The following C13orf42 variants were observed in gnomAD, a reference collection of about 807,000 sequenced individuals.
C13orf42 encodes the protein uncharacterized protein C13orf42.
Position 51,159,216 on chromosome 13 carries a change from T to C in C13orf42, n.136+13037A>G, listed in dbSNP as rs1006658838. Among the ~76,000 whole-genome samples the C allele has an allele frequency of 3.3e-5, 5 of 152,216 alleles. No individual in the cohort carries two copies. In the East Asian group the frequency reaches 5.8e-4, roughly 18 times the overall value. On this transcript the variant is annotated intron_variant and non_coding_transcript_variant, in intron 1 of 4. Transcript: ENST00000433280. ...CAGACTCTTAGGCAAGTCAACAGTATGCCAACTCTCAGGGCTGATGATTTA... is the reference window on the plus strand; with the variant it reads ...CAGACTCTTAGGCAAGTCAACAGTACGCCAACTCTCAGGGCTGATGATTTA...
rs929582096 is a variant in C13orf42 at position 51,083,812 on chromosome 13, C to T, written c.*339G>A. 5 of 187,178 alleles carry T rather than the reference C, an allele frequency of 2.7e-5. No homozygotes were observed. Among genetic ancestry groups the T allele is most frequent in the South Asian group, 2.0e-4 (1 of 5,120 alleles). 11.6% of individuals were successfully genotyped at this position (187,178 alleles called of 1,614,324 possible). On this transcript the variant is annotated 3_prime_UTR_variant, in exon 4 of 4. Coordinates refer to ENST00000563710, the MANE Select transcript of C13orf42 (RefSeq NM_001351589.3). ...TTGCTAGCAGCCACCTGGACAGACA[C>T]GTGGAGAATGAGGACCAGGCCAGGT... is the stretch of plus-strand genomic sequence containing the variant.
At chr13:51,116,417 T>C (rs989951989) in intron 1 of C13orf42, among the ~76,000 whole-genome samples, 1 of 152,222 alleles carries the variant, frequency 6.6e-6, no homozygotes, top group Non-Finnish European at 1.5e-5. Flanking sequence ...AAGGTGCCTG[T>C]TATCAGACCT....
At chr13:51,115,970 A>G (rs1953486976), upstream of C13orf42, among the ~76,000 whole-genome samples, 1 of 152,104 alleles carries the variant, frequency 6.6e-6, no homozygotes, top group Admixed American at 6.5e-5. Context: ...GAGCAGCTCC[A>G]AATCTCCCTG....
chr13:51,124,980 G>GA, intron 1 of C13orf42, among the ~76,000 whole-genome samples: 1 of 152,118 alleles, frequency 6.6e-6, no homozygotes, highest in Non-Finnish European at 1.5e-5. Context: ...ACACATCAAA[G>GA]AAACTTGTTA....
Position 51,100,544 on chromosome 13 carries a change from C to T in C13orf42, c.414+10252G>A, listed in dbSNP as rs186455853. The stretch of plus-strand genomic sequence containing the variant: ...AAATAAGAAGTATGCATTTTTATGA[C>T]GATAAAAAAGGTCATTCTTCAATGA... On this transcript the variant is annotated intron_variant, in intron 1 of 3. Transcript: ENST00000563710. 9.9e-5 allele frequency among the ~76,000 whole-genome samples: 15 copies of T among 152,020 alleles called. No homozygotes were observed. In the East Asian group the frequency reaches 2.3e-3, roughly 23 times the overall value.
At chr13:51,106,547 A>G (rs1252904976) in intron 1 of C13orf42, among the ~76,000 whole-genome samples, 1 of 152,184 alleles carries the variant, frequency 6.6e-6, no homozygotes, top group Non-Finnish European at 1.5e-5. Context: ...GCCTTACACA[A>G]ATCTCTTAAC....
intron 1 of C13orf42, among the ~76,000 whole-genome samples, chr13:51,125,112 C>A (rs1953565663): frequency 6.6e-6 from 1 of 152,152 alleles, no homozygotes; most frequent in Non-Finnish European, 1.5e-5. Flanking sequence ...CTGCTAGCAG[C>A]CTGCCTTGCC....
chr13:51,116,265 A>G (rs1953491116), upstream of C13orf42, among the ~76,000 whole-genome samples: 2 of 152,170 alleles, frequency 1.3e-5, no homozygotes, highest in African/African-American at 4.8e-5. Flanking sequence ...AATGGGAGGT[A>G]GGGTAACCCA....
chr13:51,142,164 C>A (rs2138030967), intron 1 of C13orf42, among the ~76,000 whole-genome samples: 1 of 152,280 alleles, frequency 6.6e-6, no homozygotes, highest in African/African-American at 2.4e-5. Context: ...AGCTTCTAAT[C>A]CTGGGACTTT....
rs928377194 is a variant in C13orf42 at position 51,110,934 on chromosome 13, C to T, written c.276G>A (p.Leu92=). The T allele has an allele frequency of 7.5e-5, 30 of 398,550 alleles. No homozygotes were observed. The highest frequency in any genetic ancestry group is 1.2e-4 in the Non-Finnish European group (28 of 226,102). 24.7% of individuals were successfully genotyped at this position (398,550 alleles called of 1,614,324 possible). Reference sequence around the variant, plus strand: ...TGAGATATTTTTTGCGCAAGGCCAGCAGCTCCTGCAGGTACTGCAGGCAGT... The same window carrying T: ...TGAGATATTTTTTGCGCAAGGCCAGTAGCTCCTGCAGGTACTGCAGGCAGT... ...TQDCLQYLQE[L]LALRKKYLSS... The change falls in exon 1 of 4, where the codon CTG becomes CTA. Residue 92 remains leucine, a synonymous_variant. Coordinates refer to ENST00000563710, the MANE Select transcript of C13orf42 (RefSeq NM_001351589.3).
chr13:51,149,759 C>T (rs1380200529), intron 1 of C13orf42, among the ~76,000 whole-genome samples: 3 of 152,198 alleles, frequency 2.0e-5, no homozygotes, highest in Admixed American at 2.0e-4. Context: ...AGTCATTTAG[C>T]ATGAATATTT....
At chr13:51,160,139 G>A (rs546689028) in intron 1 of C13orf42, among the ~76,000 whole-genome samples, 1 of 152,304 alleles carries the variant, frequency 6.6e-6, no homozygotes, top group East Asian at 1.9e-4. Flanking sequence ...GATTTGGGTG[G>A]GGACACAGCC....
chr13:51,157,990 C>T (rs778790737), intron 1 of C13orf42, among the ~76,000 whole-genome samples: 1 of 152,148 alleles, frequency 6.6e-6, no homozygotes, highest in Non-Finnish European at 1.5e-5. Context: ...CCAAAAATAA[C>T]GTTTTTAAAA....
chr13:51,085,568 G>C lies in C13orf42; in HGVS notation c.563-9C>G, dbSNP rs1342900042. ...CCTGGAGCTGGTGGCCACTAGAAGAGAAAAGCATGTGACCCAGGAAGGAAG... is the reference window on the plus strand; with the variant it reads ...CCTGGAGCTGGTGGCCACTAGAAGACAAAAGCATGTGACCCAGGAAGGAAG... On this transcript the variant is annotated splice_polypyrimidine_tract_variant and intron_variant, in intron 2 of 3. Coordinates refer to ENST00000563710, the MANE Select transcript of C13orf42 (RefSeq NM_001351589.3). 7.5e-6 allele frequency: 3 copies of C among 398,726 alleles called. No homozygotes were observed. The East Asian group carries it at 1.1e-4, about 14-fold the overall frequency. 24.7% of individuals were successfully genotyped at this position (398,726 alleles called of 1,614,324 possible).
chr13:51,166,360 G>A lies in C13orf42; in HGVS notation n.136+5893C>T, dbSNP rs905415416. On this transcript the variant is annotated intron_variant and non_coding_transcript_variant, in intron 1 of 4. Transcript: ENST00000433280. The stretch of plus-strand genomic sequence containing the variant: ...CGCAAGAACAAAAAAACCAAACACC[G>A]CATATTCTCACTCATAGGTGGGAAT... Among the ~76,000 whole-genome samples the A allele has an allele frequency of 8.9e-5, 13 of 145,972 alleles. No homozygotes were observed. The East Asian group carries it at 1.8e-3, about 21-fold the overall frequency.
chr13:51,134,585 A>G (rs1224271071), intron 1 of C13orf42, among the ~76,000 whole-genome samples: 1 of 152,210 alleles, frequency 6.6e-6, no homozygotes, highest in South Asian at 2.1e-4. Context: ...TTCTTTTATT[A>G]AACAAACAAG....
intron 1 of C13orf42, among the ~76,000 whole-genome samples, chr13:51,166,137 T>C (rs1206887746): frequency 6.6e-6 from 1 of 152,220 alleles, no homozygotes; most frequent in Non-Finnish European, 1.5e-5. Flanking sequence ...TAATCTGCTT[T>C]AATGAACTTA....
chr13:51,135,879 C>CA (rs946807262), intron 1 of C13orf42, among the ~76,000 whole-genome samples: 4 of 151,952 alleles, frequency 2.6e-5, no homozygotes, highest in African/African-American at 7.3e-5. Flanking sequence ...AGGATCTAAC[C>CA]AAAAAAATAG....
At chr13:51,169,587 A>G (rs1452109320) in intron 1 of C13orf42, among the ~76,000 whole-genome samples, 1 of 152,216 alleles carries the variant, frequency 6.6e-6, no homozygotes, top group African/African-American at 2.4e-5. Context: ...CCACAAGGAA[A>G]GAATAGTTTT....
Sources: gnomAD v4.1 joint callset for allele counts (sites outside exome capture counted in the v4.1 genomes callset) on GRCh38, gnomAD v4.1.1 for gene constraint, MANE v1.5 for transcripts, NCBI Gene and HGNC (gene_info 2026-07-23, HGNC 2026-07-21) for gene names.